Variants in ZNF407 observed in about 807,000 individuals in gnomAD.
ZNF407 encodes the protein zinc finger protein 407.
In ZNF407, 17 loss-of-function variants were observed where a neutral mutation model predicts 131.2. That is an observed-to-expected ratio of 0.13 (90% confidence interval 0.09 to 0.19). ZNF407 has a LOEUF of 0.19. ZNF407 is among the 10% of genes least tolerant of loss of function. The pLI is 1.00. For synonymous variants in ZNF407, 1,156 were observed against 1,062.0 expected (o/e 1.09, Z -1.72); for missense variants, 2,681 against 2,830.6 (o/e 0.95, Z 1.20).
In ZNF407 at chr18:74,634,899, T is replaced by C; in HGVS notation, c.3880T>C (p.Leu1294=). ...RVARGHGLED[L]KGVQEDPVLG... ...TGCACGTGGGCATGGTTTGGAAGAC[T>C]TGAAAGGTGTCCAAGAAGATCCCGT... The change falls in exon 2 of 9, where the codon TTG becomes CTG. Residue 1294 remains leucine, a synonymous_variant. Transcript: ENST00000299687. 2 of 1,613,708 alleles carry C rather than the reference T, an allele frequency of 1.2e-6. No homozygotes were observed. Among genetic ancestry groups the C allele is most frequent in the African/African-American group, 2.7e-5 (2 of 75,062 alleles).
chr18:74,865,867 T>C (rs1971003655), intron 4 of ZNF407, among the ~76,000 whole-genome samples: 1 of 152,214 alleles, frequency 6.6e-6, no homozygotes, highest in Admixed American at 6.5e-5. Flanking sequence ...CTCACATATG[T>C]GTGTATTCTC....
At chr18:74,927,500 C>A (rs530444452) in intron 8 of ZNF407, among the ~76,000 whole-genome samples, 12 of 152,202 alleles carry the variant, frequency 7.9e-5, no homozygotes, top group African/African-American at 2.9e-4. Context: ...GTGGCACAGA[C>A]GGATGGATGG....
chr18:74,717,803 G>A (rs1418108496), intron 3 of ZNF407, among the ~76,000 whole-genome samples: 1 of 152,128 alleles, frequency 6.6e-6, no homozygotes, highest in Non-Finnish European at 1.5e-5. Flanking sequence ...TACTGGTTCA[G>A]CATCGCTAAT....
intron 3 of ZNF407, among the ~76,000 whole-genome samples, chr18:74,666,556 A>G (rs1985938145): frequency 6.6e-6 from 1 of 152,136 alleles, no homozygotes; most frequent in African/African-American, 2.4e-5. Context: ...GGATGGAACT[A>G]TCCTTCAGTG....
intron 3 of ZNF407, among the ~76,000 whole-genome samples, chr18:74,702,613 G>T: frequency 6.6e-6 from 1 of 152,042 alleles, no homozygotes; most frequent in African/African-American, 2.4e-5. Context: ...GTTCTTCTAT[G>T]CATTGTTTCC....
In ZNF407 at chr18:74,963,907, T is replaced by C. The variant is rs1972378310; in HGVS notation, c.5428+43215T>C. ...TATTAGCAAAGTGTCTATTTCTTAG[T>C]TGAGTTTGAATTGCTCTTCAGAAAG... is the stretch of plus-strand genomic sequence containing the variant. On this transcript the variant is annotated intron_variant, in intron 8 of 8. Coordinates refer to ENST00000299687, the MANE Select transcript of ZNF407 (RefSeq NM_017757.3). Among the ~76,000 whole-genome samples the C allele has an allele frequency of 2.0e-5, 3 of 152,316 alleles. No homozygotes were observed. The South Asian group carries it at 6.2e-4, about 32-fold the overall frequency.
intron 3 of ZNF407, among the ~76,000 whole-genome samples, chr18:74,692,084 A>G (rs1204892943): frequency 6.6e-6 from 1 of 151,468 alleles, no homozygotes; most frequent in Non-Finnish European, 1.5e-5. Flanking sequence ...ACAGAGCAAG[A>G]CTCTGTCTCA....
At chr18:74,622,408 G>T (rs1175804160) in intron 1 of ZNF407, among the ~76,000 whole-genome samples, 1 of 152,254 alleles carries the variant, frequency 6.6e-6, no homozygotes, top group African/African-American at 2.4e-5. Context: ...CTCGCAGGGG[G>T]CTTGTGGGCA....
intron 7 of ZNF407, among the ~76,000 whole-genome samples, chr18:74,903,534 T>C (rs1226066560): frequency 1.9e-5 from 1 of 52,736 alleles, no homozygotes; most frequent in Non-Finnish European, 3.9e-5. Flanking sequence ...TTCTGTTGTA[T>C]TTCCTTAAAG....
At chr18:74,804,541 G>A (rs1970079404) in intron 4 of ZNF407, 2 of 986,928 alleles carry the variant, frequency 2.0e-6, no homozygotes, top group Middle Eastern at 5.2e-4. Flanking sequence ...TAAATACATT[G>A]CTTTGTTTGT....
intron 3 of ZNF407, among the ~76,000 whole-genome samples, chr18:74,715,585 C>T (rs1007170997): frequency 1.3e-5 from 2 of 152,180 alleles, no homozygotes; most frequent in African/African-American, 4.8e-5. Flanking sequence ...AGAGGGCCTC[C>T]TGTCCCAGCA....
chr18:74,751,720 C>T (rs1332933365), intron 3 of ZNF407, among the ~76,000 whole-genome samples: 2 of 152,118 alleles, frequency 1.3e-5, no homozygotes, highest in Non-Finnish European at 2.9e-5. Context: ...TTTATGGCCG[C>T]GTAGTATTCC....
intron 4 of ZNF407, among the ~76,000 whole-genome samples, chr18:74,807,774 A>T (rs573633389): frequency 6.6e-6 from 1 of 152,264 alleles, no homozygotes; most frequent in Non-Finnish European, 1.5e-5. Flanking sequence ...TTTCCCCCAC[A>T]GATTTTATTG....
intron 4 of ZNF407, among the ~76,000 whole-genome samples, chr18:74,834,466 C>G (rs962570404): frequency 6.6e-6 from 1 of 152,208 alleles, no homozygotes; most frequent in African/African-American, 2.4e-5. Flanking sequence ...CTTTGAGAGT[C>G]TCTGTCAGAG....
chr18:74,916,495 TGC>T (rs1358338996), intron 7 of ZNF407, among the ~76,000 whole-genome samples: 8 of 131,886 alleles, frequency 6.1e-5, no homozygotes, highest in Admixed American at 1.5e-4. Context: ...TGTGTGTGTG[TGC>T]GTGCATGTGT....
intron 3 of ZNF407, among the ~76,000 whole-genome samples, chr18:74,713,026 A>C (rs1967802621): frequency 6.6e-6 from 1 of 152,198 alleles, no homozygotes; most frequent in South Asian, 2.1e-4. Flanking sequence ...GGGTTGGAAC[A>C]TAGAGGACCT....
At chr18:74,618,183 T>G (rs1396500462) in intron 1 of ZNF407, among the ~76,000 whole-genome samples, 1 of 151,456 alleles carries the variant, frequency 6.6e-6, no homozygotes, top group Non-Finnish European at 1.5e-5. Flanking sequence ...GCTTTCTTTT[T>G]TTTCTTTAAA....
At chr18:74,608,983 G>A (rs12958398) in intron 1 of ZNF407, among the ~76,000 whole-genome samples, 49,040 of 151,896 alleles carry the variant, frequency 0.32, 8,602 homozygotes, top group African/African-American at 0.45. Context: ...TTTTGGTGCA[G>A]AAAGTTTGAA....
chr18:74,955,784 C>T (rs980524966), intron 8 of ZNF407, among the ~76,000 whole-genome samples: 11 of 152,162 alleles, frequency 7.2e-5, no homozygotes, highest in Admixed American at 2.6e-4. Flanking sequence ...ACACATCTTC[C>T]GATGTTTGTG....
Sources: allele counts gnomAD v4.1 joint callset (sites outside exome capture counted in the v4.1 genomes callset), GRCh38; gene constraint gnomAD v4.1.1; transcripts MANE v1.5; gene names NCBI Gene and HGNC (gene_info 2026-07-23, HGNC 2026-07-21).